The following ZNF678 variants were observed in gnomAD, a reference collection of about 807,000 sequenced individuals.
ZNF678 encodes hypothetical protein MGC42493.
In ZNF678, 5 loss-of-function variants were observed where a neutral mutation model predicts 3.0. That is an observed-to-expected ratio of 1.69 (90% CI 0.88 to 3.56). The LOEUF is 3.56. Ranked by LOEUF, ZNF678 falls within the 30% of genes most tolerant of loss-of-function variation. The pLI is 0.00. For missense variants in ZNF678, 593 were observed against 605.0 expected (o/e 0.98, Z 0.21); for synonymous variants, 218 against 199.6 (o/e 1.09, Z -0.78).
downstream of ZNF678, among the ~76,000 whole-genome samples, chr1:227,678,695 C>T (rs1659721530): frequency 6.6e-6 from 1 of 152,128 alleles, no homozygotes; most frequent in Admixed American, 6.5e-5. Context: ...CCATAAGATA[C>T]CCAAAAATAC....
intron 1 of ZNF678, among the ~76,000 whole-genome samples, chr1:227,595,407 C>T (rs1657538566): frequency 6.6e-6 from 1 of 152,074 alleles, no homozygotes; most frequent in Admixed American, 6.6e-5. Flanking sequence ...TTACCTTGTG[C>T]CATACCTTTG....
chr1:227,580,886 C>T (rs997939716), intron 1 of ZNF678, among the ~76,000 whole-genome samples: 6 of 151,240 alleles, frequency 4.0e-5, no homozygotes, highest in Admixed American at 6.6e-5. Context: ...GCTGAGATCC[C>T]GCCTTTGCAC....
chr1:227,664,573 C>G (rs143442159), downstream of ZNF678, among the ~76,000 whole-genome samples: 96 of 152,258 alleles, frequency 6.3e-4, 2 homozygotes, highest in African/African-American at 2.0e-3. Flanking sequence ...GAGCCAATGC[C>G]TGCATTGTTG....
At chr1:227,652,945 G>C (rs1659125119) in intron 3 of ZNF678, among the ~76,000 whole-genome samples, 1 of 152,076 alleles carries the variant, frequency 6.6e-6, no homozygotes, top group Non-Finnish European at 1.5e-5. Flanking sequence ...TAGGACAGTT[G>C]TACTGGTGAT....
At chr1:227,588,506 C>CT (rs747086047) in intron 1 of ZNF678, among the ~76,000 whole-genome samples, 91 of 135,868 alleles carry the variant, frequency 6.7e-4, no homozygotes, top group Middle Eastern at 4.0e-3. Flanking sequence ...GTTTTTTTTA[C>CT]TTTTTTTTTT....
intron 1 of ZNF678, among the ~76,000 whole-genome samples, chr1:227,613,706 C>G (rs1658078001): frequency 6.6e-6 from 1 of 152,152 alleles, no homozygotes; most frequent in African/African-American, 2.4e-5. Flanking sequence ...TCATTCAGGG[C>G]CTCATCTTTG....
chr1:227,667,289 G>T (rs1412465074), downstream of ZNF678, among the ~76,000 whole-genome samples: 1 of 152,116 alleles, frequency 6.6e-6, no homozygotes, highest in East Asian at 1.9e-4. Context: ...GCCCGCCTTG[G>T]CCTCTCAAAC....
Position 227,656,634 on chromosome 1 carries a change from G to A in ZNF678, c.*806G>A, listed in dbSNP as rs1214153980. The A allele has an allele frequency of 5.9e-5, 9 of 151,806 alleles. No individual in the cohort carries two copies. Among genetic ancestry groups the A allele is most frequent in the Admixed American group, 5.9e-4 (9 of 15,204 alleles). The allele number at this position is 151,806 out of a possible 1,614,324, so 9.4% of individuals were successfully genotyped here. A position where few individuals can be genotyped will look rare whatever the true frequency, so the allele number is the denominator to read the frequency against. ...TTATAAGGAAAATCTAAGTAGAAATGCTTTTTGTTGATGTATAACAGTGTT... is the reference window on the plus strand; with the variant it reads ...TTATAAGGAAAATCTAAGTAGAAATACTTTTTGTTGATGTATAACAGTGTT... On this transcript the variant is annotated 3_prime_UTR_variant, in exon 4 of 4. Transcript: ENST00000343776.
At chr1:227,578,796 T>C (rs1165181957) in intron 1 of ZNF678, among the ~76,000 whole-genome samples, 2 of 152,182 alleles carry the variant, frequency 1.3e-5, no homozygotes, top group East Asian at 3.9e-4. Flanking sequence ...GACACAGCCG[T>C]TTGGAGGAAA....
chr1:227,624,313 A>G (rs1007630035), intron 1 of ZNF678, among the ~76,000 whole-genome samples: 1 of 152,212 alleles, frequency 6.6e-6, no homozygotes, highest in Non-Finnish European at 1.5e-5. Context: ...TGATCCCTCC[A>G]CAAAGACCCC....
intron 1 of ZNF678, among the ~76,000 whole-genome samples, chr1:227,607,659 C>G (rs996523146): frequency 4.7e-5 from 7 of 148,542 alleles, no homozygotes; most frequent in African/African-American, 7.4e-5. Context: ...AAATATATAG[C>G]TATTTAAAAT....
intron 1 of ZNF678, among the ~76,000 whole-genome samples, chr1:227,580,777 A>C (rs1478414348): frequency 6.6e-6 from 1 of 152,112 alleles, no homozygotes; most frequent in African/African-American, 2.4e-5. Context: ...CTAAAAATAC[A>C]GAATTAGCCA....
chr1:227,622,161 C>T (rs1233166799), intron 1 of ZNF678, among the ~76,000 whole-genome samples: 1 of 152,206 alleles, frequency 6.6e-6, no homozygotes, highest in Non-Finnish European at 1.5e-5. Context: ...CATCTATTCT[C>T]TCTGAAGCGT....
chr1:227,625,911 A>G lies in ZNF678; in HGVS notation c.-163-20633A>G, dbSNP rs557456255. Among the ~76,000 whole-genome samples the G allele has an allele frequency of 2.6e-5, 4 of 152,288 alleles. No individual in the cohort carries two copies. In the South Asian group the frequency reaches 8.3e-4, roughly 32 times the overall value. On this transcript the variant is annotated intron_variant, in intron 1 of 3. Coordinates refer to ENST00000343776, the MANE Select transcript of ZNF678 (RefSeq NM_001367909.1). ...GGATTATTTTCCCTGTCCAATAATG[A>G]GTATTTGCATGCATGCAAAGAGTGG...
intron 1 of ZNF678, among the ~76,000 whole-genome samples, chr1:227,564,134 C>T (rs1283256576): frequency 6.6e-6 from 1 of 152,188 alleles, no homozygotes; most frequent in Non-Finnish European, 1.5e-5. Context: ...TGGGAGAGCG[C>T]CCAGCTATGG....
intron 1 of ZNF678, among the ~76,000 whole-genome samples, chr1:227,628,302 T>C (rs1422692731): frequency 1.3e-5 from 2 of 152,212 alleles, no homozygotes; most frequent in African/African-American, 4.8e-5. Flanking sequence ...TGTTTTTTTT[T>C]CTGTGACATA....
At chr1:227,564,106 G>T (rs1224884023) in intron 1 of ZNF678, among the ~76,000 whole-genome samples, 1 of 152,220 alleles carries the variant, frequency 6.6e-6, no homozygotes, top group Non-Finnish European at 1.5e-5. Context: ...AGAGTTTGAG[G>T]AAAGGGAGTT....
rs140492602 is a variant in ZNF678 at position 227,655,255 on chromosome 1, C to T, written c.1005C>T (p.His335=). ...ECGKTFNRCS[H]LSSHKRIHTG... ...GCAAAACTTTTAATCGGTGTTCACA[C>T]CTAAGTAGCCATAAGAGAATTCATA... is the stretch of plus-strand genomic sequence containing the variant. The change falls in exon 4 of 4, where the codon CAC becomes CAT. Residue 335 remains histidine (H), a synonymous_variant. Transcript: ENST00000343776. The T allele has an allele frequency of 8.7e-5, 140 of 1,605,796 alleles. 1 individual carries two copies. The African/African-American group carries it at 1.8e-3, about 20-fold the overall frequency.
At chr1:227,667,837 G>A (rs983180754) in intron 5 of ZNF678, among the ~76,000 whole-genome samples, 8 of 152,074 alleles carry the variant, frequency 5.3e-5, no homozygotes, top group Non-Finnish European at 1.2e-4. Context: ...ATAATGTGAT[G>A]AAACATATGA....
Sources: gnomAD v4.1 joint callset for allele counts (sites outside exome capture counted in the v4.1 genomes callset) on GRCh38, gnomAD v4.1.1 for gene constraint, MANE v1.5 for transcripts, NCBI Gene and HGNC (gene_info 2026-07-23, HGNC 2026-07-21) for gene names.